The following LRP1B variants were observed in gnomAD, a reference collection of about 807,000 sequenced individuals.
The protein encoded by LRP1B is LDL receptor related protein 1B.
LRP1B carries 217 observed loss-of-function variants against 556.6 expected under a neutral mutation model. The ratio of observed to expected loss-of-function variants is 0.39; its 90% CI spans 0.35 to 0.44. The LOEUF (loss-of-function observed/expected upper bound fraction) is 0.44. Among genes scored for constraint, LRP1B ranks in the 20% least tolerant of loss-of-function variants. The pLI is 1.00. For missense variants in LRP1B, 5,053 were observed against 5,620.8 expected, an observed-to-expected ratio of 0.90 and a Z score of 3.23; for synonymous variants, 2,047 against 1,865.8, an observed-to-expected ratio of 1.10 and a Z score of -2.50.
intron 7 of LRP1B, among the ~76,000 whole-genome samples, chr2:141,129,384 TA>T (rs1371895826): frequency 6.6e-6 from 1 of 152,046 alleles, no homozygotes; most frequent in Non-Finnish European, 1.5e-5. Context: ...AACAGATATG[TA>T]AAAAAATTAT....
chr2:140,845,197 G>A (rs903649532), intron 29 of LRP1B, among the ~76,000 whole-genome samples: 41 of 152,206 alleles, frequency 2.7e-4, no homozygotes, highest in African/African-American at 8.9e-4. Context: ...TCTCTACTGT[G>A]CTACTAGAAA....
intron 1 of LRP1B, among the ~76,000 whole-genome samples, chr2:142,103,701 G>T (rs1372189368): frequency 6.6e-6 from 1 of 151,990 alleles, no homozygotes; most frequent in African/African-American, 2.4e-5. Context: ...TCTTGTAAAA[G>T]ATGACCCAAT....
intron 11 of LRP1B, among the ~76,000 whole-genome samples, chr2:141,034,541 G>T (rs1168387913): frequency 6.6e-6 from 1 of 152,034 alleles, no homozygotes; most frequent in African/African-American, 2.4e-5. Flanking sequence ...CAAAAAGTGG[G>T]CGAAGGATAT....
rs77231561 is a variant in LRP1B at position 140,675,641 on chromosome 2, T to G, written c.6799+24609A>C. ...AAAAAACAAAAAAAATAGCTGATTG[T>G]GGTGGTGCTCCTGTAGTTCCAGCTA... On this transcript the variant is annotated intron_variant, in intron 41 of 90. Coordinates refer to ENST00000389484, the MANE Select transcript of LRP1B (RefSeq NM_018557.3). Among the ~76,000 whole-genome samples the G allele has an allele frequency of 6.5e-3, 988 of 152,168 alleles. 3 individuals are homozygous for G. The highest frequency in any genetic ancestry group is 0.01 in the Middle Eastern group (3 of 294).
At chr2:140,997,102 T>C (rs766656991) in intron 15 of LRP1B, among the ~76,000 whole-genome samples, 2 of 151,884 alleles carry the variant, frequency 1.3e-5, no homozygotes, top group African/African-American at 2.4e-5. Context: ...ATCTCACCAA[T>C]AAAAAATTGA....
chr2:141,199,530 T>C (rs987240137), intron 6 of LRP1B, among the ~76,000 whole-genome samples: 1 of 152,158 alleles, frequency 6.6e-6, no homozygotes, highest in Admixed American at 6.6e-5. Flanking sequence ...CTCCCTGTTC[T>C]AATATTGTCT....
chr2:140,487,348 C>T (rs1236836865), intron 58 of LRP1B, among the ~76,000 whole-genome samples: 3 of 151,818 alleles, frequency 2.0e-5, no homozygotes, highest in Admixed American at 2.0e-4. Context: ...AGCACCCATC[C>T]CATTTCCTAG....
At chr2:141,408,975 A>G (rs1255205514) in intron 3 of LRP1B, among the ~76,000 whole-genome samples, 2 of 152,144 alleles carry the variant, frequency 1.3e-5, no homozygotes, top group African/African-American at 2.4e-5. Flanking sequence ...AGCAAGTTCT[A>G]TTACATTTCT....
chr2:141,627,319 A>C (rs1007534206), intron 2 of LRP1B, among the ~76,000 whole-genome samples: 6 of 152,234 alleles, frequency 3.9e-5, no homozygotes, highest in African/African-American at 1.4e-4. Flanking sequence ...CAGAGCACAG[A>C]GGATTTTAGG....
intron 32 of LRP1B, among the ~76,000 whole-genome samples, chr2:140,800,918 TTAATA>T (rs1392061992): frequency 6.6e-6 from 1 of 152,190 alleles, no homozygotes; most frequent in African/African-American, 2.4e-5. Flanking sequence ...ACTTTTTATT[TTAATA>T]TGTGTTTCAA....
At chr2:141,667,802 T>A (rs1690501208) in intron 2 of LRP1B, among the ~76,000 whole-genome samples, 1 of 152,146 alleles carries the variant, frequency 6.6e-6, no homozygotes, top group Admixed American at 6.6e-5. Flanking sequence ...TATGTTTCCC[T>A]CCCTAATCAC....
At chr2:140,491,102 T>A (rs1487433666) in intron 57 of LRP1B, among the ~76,000 whole-genome samples, 1 of 152,052 alleles carries the variant, frequency 6.6e-6, no homozygotes, top group Non-Finnish European at 1.5e-5. Context: ...TAAGAACAAT[T>A]TTTGACAACA....
At chr2:140,636,864 T>A (rs993410814) in intron 41 of LRP1B, among the ~76,000 whole-genome samples, 7 of 152,172 alleles carry the variant, frequency 4.6e-5, no homozygotes, top group African/African-American at 1.7e-4. Flanking sequence ...TCAAGGAAAG[T>A]CATTTTATTA....
At chr2:141,356,922 T>G (rs1688646667) in intron 3 of LRP1B, among the ~76,000 whole-genome samples, 1 of 152,216 alleles carries the variant, frequency 6.6e-6, no homozygotes, top group Non-Finnish European at 1.5e-5. Flanking sequence ...ACGCCAATTA[T>G]TTGTTTCACC....
chr2:141,974,503 G>T (rs1701829781), intron 1 of LRP1B, among the ~76,000 whole-genome samples: 1 of 151,922 alleles, frequency 6.6e-6, no homozygotes, highest in South Asian at 2.1e-4. Context: ...AAACAGTACG[G>T]GTTCTGATTG....
intron 32 of LRP1B, among the ~76,000 whole-genome samples, chr2:140,804,351 A>G (rs573134857): frequency 1.1e-4 from 16 of 152,254 alleles, no homozygotes; most frequent in African/African-American, 3.8e-4. Context: ...ACTAGCCATA[A>G]TAATTTATCT....
At chr2:140,429,223 C>T (rs548975942) in intron 66 of LRP1B, among the ~76,000 whole-genome samples, 14 of 152,214 alleles carry the variant, frequency 9.2e-5, no homozygotes, top group Admixed American at 3.3e-4. Flanking sequence ...CCTTACAGTT[C>T]CCCCATTTTA....
chr2:141,826,668 A>G (rs1189718347), intron 1 of LRP1B, among the ~76,000 whole-genome samples: 1 of 152,104 alleles, frequency 6.6e-6, no homozygotes, highest in African/African-American at 2.4e-5. Flanking sequence ...CAGAAGTTTT[A>G]AAAAATAGGT....
chr2:141,346,140 T>A (rs1688249722), intron 3 of LRP1B, among the ~76,000 whole-genome samples: 1 of 152,070 alleles, frequency 6.6e-6, no homozygotes, highest in South Asian at 2.1e-4. Flanking sequence ...TTCCATGTTT[T>A]GTTTGTTTTT....
Sources: allele counts gnomAD v4.1 joint callset (sites outside exome capture counted in the v4.1 genomes callset), GRCh38; gene constraint gnomAD v4.1.1; transcripts MANE v1.5; gene names NCBI Gene and HGNC (gene_info 2026-07-23, HGNC 2026-07-21).